Variants in TOX observed in about 807,000 individuals in gnomAD.
The protein encoded by TOX is thymocyte selection-associated high mobility group box protein TOX.
TOX carries 11 observed loss-of-function variants against 53.7 expected under a neutral mutation model. That is an observed-to-expected ratio of 0.20 (90% confidence interval 0.13 to 0.34). The LOEUF (loss-of-function observed/expected upper bound fraction) is 0.34. Ranked by LOEUF, TOX falls within the 10% of genes least tolerant of loss-of-function variation. The pLI, the probability that TOX is intolerant of heterozygous loss-of-function variation, is 1.00. For synonymous variants in TOX, 225 were observed against 245.3 expected, an observed-to-expected ratio of 0.92 and a Z score of 0.77; for missense variants, 570 against 664.6, an observed-to-expected ratio of 0.86 and a Z score of 1.56.
chr8:58,821,659 A>G (rs1187785360), intron 6 of TOX, among the ~76,000 whole-genome samples: 1 of 152,134 alleles, frequency 6.6e-6, no homozygotes, highest in Non-Finnish European at 1.5e-5. Flanking sequence ...TATGAAATTG[A>G]CTATTCTAGA....
chr8:59,021,500 G>GCACA (rs1563420868), intron 1 of TOX, among the ~76,000 whole-genome samples: 8 of 120,774 alleles, frequency 6.6e-5, no homozygotes, highest in East Asian at 2.3e-4. Flanking sequence ...ATATATATAT[G>GCACA]CACATATATA....
At chr8:59,114,699 A>T (rs141352136) in intron 1 of TOX, among the ~76,000 whole-genome samples, 1 of 152,062 alleles carries the variant, frequency 6.6e-6, no homozygotes, top group Non-Finnish European at 1.5e-5. Context: ...CTTTCTTCCC[A>T]TACTCCTCCT....
intron 1 of TOX, among the ~76,000 whole-genome samples, chr8:59,070,359 C>G (rs776725822): frequency 4.6e-5 from 7 of 152,104 alleles, no homozygotes; most frequent in Non-Finnish European, 1.0e-4. Context: ...ATCCATATAA[C>G]TGATACCTGG....
At chr8:59,099,006 C>A (rs1453797056) in intron 1 of TOX, among the ~76,000 whole-genome samples, 1 of 152,210 alleles carries the variant, frequency 6.6e-6, no homozygotes, top group Admixed American at 6.5e-5. Context: ...GATTAAATTT[C>A]ACTCTTTGGA....
chr8:58,909,660 C>CTTT (rs34509406), intron 3 of TOX, among the ~76,000 whole-genome samples: 1 of 143,034 alleles, frequency 7.0e-6, no homozygotes, highest in Non-Finnish European at 1.5e-5. Flanking sequence ...CTCTCTCTCT[C>CTTT]TTTTTTTTTT....
At chr8:58,873,675 T>C (rs979636370) in intron 3 of TOX, among the ~76,000 whole-genome samples, 1 of 152,150 alleles carries the variant, frequency 6.6e-6, no homozygotes, top group Non-Finnish European at 1.5e-5. Context: ...ACGGGATGTT[T>C]TTCCCTCCCT....
At chr8:59,049,275 C>G (rs1803745602) in intron 1 of TOX, among the ~76,000 whole-genome samples, 1 of 152,274 alleles carries the variant, frequency 6.6e-6, no homozygotes, top group Admixed American at 6.5e-5. Context: ...CACTTGGCAA[C>G]TATGTGGTCA....
chr8:58,998,579 A>C (rs1563413665), intron 1 of TOX, among the ~76,000 whole-genome samples: 1 of 143,724 alleles, frequency 7.0e-6, no homozygotes, highest in African/African-American at 2.6e-5. Context: ...ATGTATATAT[A>C]ATAAATTTAT....
chr8:59,047,532 C>T (rs116689588), intron 1 of TOX, among the ~76,000 whole-genome samples: 3,309 of 151,902 alleles, frequency 0.022, 85 homozygotes, highest in South Asian at 0.088. Context: ...CTGAATTGTT[C>T]TGCAAATAGA....
rs554680150 is a variant in TOX, at chr8:58,941,648, C to T, written c.169-2104G>A. ...GCCTTTCCTTTCCCAAATTCCACCC[C>T]GTTGCCCACCCACTGAAATTATATG... On this transcript the variant is annotated intron_variant, in intron 2 of 8. Transcript: ENST00000361421. 7.9e-5 allele frequency among the ~76,000 whole-genome samples: 12 copies of T among 152,248 alleles called. No individual in the cohort carries two copies. In the South Asian group the frequency reaches 1.4e-3, roughly 18 times the overall value.
rs1407076503 is a variant in TOX at position 59,117,232 on chromosome 8, A to T, written c.102+1654T>A. Reference sequence around the variant, plus strand: ...TAGCAATAGTATTGGTGTCATAAGCAAAATAAAACGTAACACAATACTTGA... The same window carrying T: ...TAGCAATAGTATTGGTGTCATAAGCTAAATAAAACGTAACACAATACTTGA... On this transcript the variant is annotated intron_variant, in intron 1 of 8. Coordinates refer to ENST00000361421, the MANE Select transcript of TOX (RefSeq NM_014729.3). This position sits in a 1 kb window ranked among gnomAD's most constrained non-coding sequence, Gnocchi z 4.6. Among the ~76,000 whole-genome samples the T allele has an allele frequency of 6.6e-6, 1 of 152,220 alleles. No homozygotes were observed. The highest frequency in any genetic ancestry group is 1.5e-5 in the Non-Finnish European group (1 of 68,040).
Position 59,118,192 on chromosome 8 carries a change from G to C in TOX, c.102+694C>G, listed in dbSNP as rs10110417. On this transcript the variant is annotated intron_variant, in intron 1 of 8. Coordinates refer to ENST00000361421, the MANE Select transcript of TOX (RefSeq NM_014729.3). The surrounding 1 kb of genome is among the most constrained non-coding windows in gnomAD (Gnocchi z 4.1). ...GTGCGGGAGCTTTGGACTTGAACGCGACGTGCTCGCCCGGCTCCCAACAAA... is the reference window on the plus strand; with the variant it reads ...GTGCGGGAGCTTTGGACTTGAACGCCACGTGCTCGCCCGGCTCCCAACAAA... 1.3e-5 allele frequency among the ~76,000 whole-genome samples: 2 copies of C among 152,204 alleles called. No individual in the cohort carries two copies. Among genetic ancestry groups the C allele is most frequent in the Admixed American group, 1.3e-4 (2 of 15,290 alleles).
intron 1 of TOX, among the ~76,000 whole-genome samples, chr8:59,064,923 C>T (rs1804059566): frequency 6.6e-6 from 1 of 152,076 alleles, no homozygotes; most frequent in Non-Finnish European, 1.5e-5. Context: ...ACATATGATT[C>T]CAGGTTTCTA....
intron 6 of TOX, among the ~76,000 whole-genome samples, chr8:58,818,988 T>C (rs1282793293): frequency 6.6e-6 from 1 of 152,254 alleles, no homozygotes; most frequent in African/African-American, 2.4e-5. Context: ...GGCTTCGCTT[T>C]TCATTAATTA....
At chr8:59,021,756 A>G (rs1309850174) in intron 1 of TOX, among the ~76,000 whole-genome samples, 1 of 152,064 alleles carries the variant, frequency 6.6e-6, no homozygotes, top group Non-Finnish European at 1.5e-5. Flanking sequence ...TTTTCCTTCA[A>G]ATATATGCAG....
chr8:59,042,986 T>C (rs1803619611), intron 1 of TOX, among the ~76,000 whole-genome samples: 1 of 152,174 alleles, frequency 6.6e-6, no homozygotes, highest in Non-Finnish European at 1.5e-5. Flanking sequence ...AAATACACAG[T>C]ACATTATTAT....
intron 1 of TOX, among the ~76,000 whole-genome samples, chr8:58,994,574 A>G (rs1007032922): frequency 4.6e-5 from 7 of 152,198 alleles, no homozygotes; most frequent in Non-Finnish European, 8.8e-5. Flanking sequence ...ATGATACCCA[A>G]TGGCAGAAGT....
intron 1 of TOX, among the ~76,000 whole-genome samples, chr8:59,081,872 T>C (rs1804414847): frequency 1.3e-5 from 2 of 152,208 alleles, no homozygotes; most frequent in Admixed American, 6.5e-5. Flanking sequence ...ACGGCAGACT[T>C]CCCTAGCTAC....
At chr8:59,092,533 A>C (rs1275811639) in intron 1 of TOX, among the ~76,000 whole-genome samples, 4 of 151,310 alleles carry the variant, frequency 2.6e-5, no homozygotes, top group African/African-American at 9.7e-5. Context: ...TCACTTCTTT[A>C]ATAAAATCTT....
Sources: gnomAD v4.1 joint callset for allele counts (sites outside exome capture counted in the v4.1 genomes callset) on GRCh38, gnomAD v4.1.1 for gene constraint, Gnocchi (gnomAD v3.1) non-coding constraint, MANE v1.5 for transcripts, NCBI Gene and HGNC (gene_info 2026-07-23, HGNC 2026-07-21) for gene names.